MACF1: variants seen among roughly 807,000 people sequenced by gnomAD.
MACF1 encodes the protein microtubule actin crosslinking factor 1, also known as microtubule-actin cross-linking factor 1.
A neutral mutation model predicts 854.8 loss-of-function variants in MACF1; 193 were observed. The observed-to-expected ratio is 0.23, with a 90% CI of 0.20 to 0.25. MACF1 has a LOEUF of 0.25. MACF1 is among the 10% of genes least tolerant of loss of function. The pLI is 1.00. For synonymous variants in MACF1, 3,185 were observed against 3,226.7 expected (o/e 0.99, Z 0.44); for missense variants, 7,722 against 8,929.1 (o/e 0.86, Z 5.45).
intron 16 of MACF1, 85 bp from the exon 17 acceptor site, chr1:39,292,681 C>T (rs1014521312): frequency 2.2e-6 from 2 of 923,958 alleles, no homozygotes; most frequent in East Asian, 2.6e-5. Flanking sequence ...TCTATCTAGA[C>T]ATAATATTTG....
In MACF1 at chr1:39,434,571, C is replaced by T. The variant is rs777713410; in HGVS notation, c.17723C>T (p.Ala5908Val). The change falls in exon 69 of 101, where the codon GCA (alanine) becomes GTA (valine). Residue 5908 changes from alanine (A) to valine (V), a missense_variant. Ala to Val is a moderately conservative substitution (Grantham distance 64, BLOSUM62 0). Coordinates refer to ENST00000564288, the MANE Select transcript of MACF1 (RefSeq NM_001394062.1). Reference protein sequence around the residue: ...PWIEETRALIAQLPSPAIDHE... With the variant: ...PWIEETRALIVQLPSPAIDHE... ...ATTGAGGAAACTCGGGCACTAATAG[C>T]ACAGTTACCCTCTCCAGCCATTGAT... 6.2e-7 allele frequency: 1 copy of T among 1,614,084 alleles called. No individual in the cohort carries two copies. Among genetic ancestry groups the T allele is most frequent in the Non-Finnish European group, 8.5e-7 (1 of 1,180,014 alleles).
chr1:39,215,247 C>G (rs1001860170), intron 1 of MACF1: 2 of 152,618 alleles, frequency 1.3e-5, no homozygotes, highest in African/African-American at 2.4e-5. Context: ...GTTCTGCTGT[C>G]TCCTCTCTAC....
intron 2 of MACF1, among the ~76,000 whole-genome samples, chr1:39,169,773 CTTTTT>C (rs11335031): frequency 4.8e-4 from 47 of 97,514 alleles, no homozygotes; most frequent in Admixed American, 9.2e-4. Context: ...TTCTTTCTTT[CTTTTT>C]TTTTTTTTTT....
chr1:39,299,999 G>A (rs1390245787), intron 21 of MACF1, among the ~76,000 whole-genome samples: 2 of 152,222 alleles, frequency 1.3e-5, no homozygotes, highest in Admixed American at 1.3e-4. Context: ...AAGCTGCAAA[G>A]TTTGAGTGCG....
intron 58 of MACF1, among the ~76,000 whole-genome samples, chr1:39,393,193 AAAAATATAT>A (rs1460661873): frequency 9.6e-6 from 1 of 103,872 alleles, no homozygotes; most frequent in African/African-American, 4.3e-5. Flanking sequence ...AAAAAAAAAA[AAAAATATAT>A]ATATATATAT....
intron 2 of MACF1, among the ~76,000 whole-genome samples, chr1:39,132,879 G>T (rs1158839135): frequency 6.6e-6 from 1 of 152,126 alleles, no homozygotes; most frequent in African/African-American, 2.4e-5. Context: ...GCTCTAAGAA[G>T]ATTGTTTCGA....
At chr1:39,397,532 A>AG (rs1362999522) in intron 58 of MACF1, among the ~76,000 whole-genome samples, 1 of 152,024 alleles carries the variant, frequency 6.6e-6, no homozygotes, top group African/African-American at 2.4e-5. Flanking sequence ...ATTGCGCTCC[A>AG]GCCTGGGCAA....
chr1:39,397,524 T>G (rs1366041843), intron 58 of MACF1, among the ~76,000 whole-genome samples: 1 of 151,712 alleles, frequency 6.6e-6, no homozygotes, highest in African/African-American at 2.4e-5. Context: ...ATCATGCCAT[T>G]GCGCTCCAGC....
chr1:39,241,988 T>G (rs1302861725), intron 2 of MACF1, among the ~76,000 whole-genome samples: 1 of 152,254 alleles, frequency 6.6e-6, no homozygotes, highest in African/African-American at 2.4e-5. Context: ...TGTAACTTAC[T>G]CCTTTTGTTA....
At chr1:39,211,737 C>T (rs1255152820) in intron 1 of MACF1, among the ~76,000 whole-genome samples, 1 of 151,932 alleles carries the variant, frequency 6.6e-6, no homozygotes, top group Non-Finnish European at 1.5e-5. Flanking sequence ...AAAAATTAGC[C>T]AGGTGCTGTG....
intron 2 of MACF1, among the ~76,000 whole-genome samples, chr1:39,096,917 C>G (rs956169034): frequency 4.8e-5 from 7 of 146,594 alleles, no homozygotes; most frequent in African/African-American, 1.8e-4. Flanking sequence ...TGCTCTGTCA[C>G]CCACGCTGGA....
chr1:39,452,153 T>C lies in MACF1; in HGVS notation c.20419-3T>C. The C allele has an allele frequency of 7.6e-6, 12 of 1,583,606 alleles. No homozygotes were observed. The highest frequency in any genetic ancestry group is 1.0e-5 in the Non-Finnish European group (12 of 1,165,556). ...AAACAAATTCTCCTATTTTCTTTTC[T>C]AGGTTTTCCAGAAGGAACTGGGAAA... On this transcript the variant is annotated splice_polypyrimidine_tract_variant and splice_region_variant and intron_variant, in intron 85 of 100. Coordinates refer to ENST00000564288, the MANE Select transcript of MACF1 (RefSeq NM_001394062.1).
rs746807927 is a variant in MACF1, at chr1:39,430,000, G to A, written c.17062G>A (p.Glu5688Lys). The A allele has an allele frequency of 6.2e-6, 10 of 1,613,958 alleles. No homozygotes were observed. In the East Asian group the frequency reaches 2.0e-4, roughly 32 times the overall value. Residue 5688 changes from glutamate to lysine, a missense_variant, in exon 65 of 101, where the codon GAG becomes AAG. Glu to Lys is a moderately conservative substitution (Grantham distance 56). Transcript: ENST00000564288. Reference sequence around the variant, plus strand: ...CGGGTGGCTGAGGGAGGTGGAGGAGGAGCTGGCAACCAGTGGAGGACAGTC... The same window carrying A: ...CGGGTGGCTGAGGGAGGTGGAGGAGAAGCTGGCAACCAGTGGAGGACAGTC... ...LTGWLREVEE[E>K]LATSGGQSPT...
chr1:39,458,322 G>A (rs200589075), intron 89 of MACF1, 48 bp from the exon 90 acceptor site: 3 of 1,596,526 alleles, frequency 1.9e-6, no homozygotes, highest in South Asian at 1.1e-5. Context: ...CCCCATAAGA[G>A]TAAAAATACA....
At chr1:39,136,015 G>A (rs1404478093) in intron 2 of MACF1, among the ~76,000 whole-genome samples, 1 of 152,090 alleles carries the variant, frequency 6.6e-6, no homozygotes, top group African/African-American at 2.4e-5. Context: ...TAGGATATAT[G>A]TACCTATATG....
intron 2 of MACF1, among the ~76,000 whole-genome samples, chr1:39,099,400 G>C (rs979482337): frequency 6.6e-6 from 1 of 152,254 alleles, no homozygotes; most frequent in South Asian, 2.1e-4. Context: ...CAGGTGATCT[G>C]CCCGCCCTGG....
At chr1:39,194,541 A>T (rs1644296990) in intron 2 of MACF1, among the ~76,000 whole-genome samples, 1 of 150,544 alleles carries the variant, frequency 6.6e-6, no homozygotes, top group Non-Finnish European at 1.5e-5. Context: ...TTTAGTAGAG[A>T]CGGGTGGCCA....
At chr1:39,094,798 G>A (rs1641897212) in intron 2 of MACF1, among the ~76,000 whole-genome samples, 1 of 152,134 alleles carries the variant, frequency 6.6e-6, no homozygotes, top group Non-Finnish European at 1.5e-5. Context: ...ATGCTGAGGT[G>A]GGAGGATTGC....
chr1:39,412,613 C>T (rs764478188), intron 58 of MACF1: 7 of 1,613,962 alleles, frequency 4.3e-6, no homozygotes, highest in African/African-American at 1.3e-5. Flanking sequence ...GTGAATGATA[C>T]AAAGCCTGAG....
Sources: allele counts gnomAD v4.1 joint callset (sites outside exome capture counted in the v4.1 genomes callset), GRCh38; gene constraint gnomAD v4.1.1; transcripts MANE v1.5; gene names NCBI Gene and HGNC (gene_info 2026-07-23, HGNC 2026-07-21).